ALS2CL: variants seen among roughly 807,000 people sequenced by gnomAD.
ALS2CL encodes ALS2 C-terminal-like protein.
Under a neutral mutation model 127.9 loss-of-function variants are expected in ALS2CL, and 112 were observed. That is an observed-to-expected ratio of 0.88 (90% CI 0.75 to 1.02). ALS2CL has a LOEUF of 1.02. Among genes scored for constraint, ALS2CL ranks in the 50% least tolerant of loss-of-function variants. The pLI is 0.00. For missense variants in ALS2CL, 1,174 were observed against 1,236.7 expected (o/e 0.95, Z 0.76); for synonymous variants, 519 against 527.6 (o/e 0.98, Z 0.22).
chr3:46,687,962 G>A (rs1340494662), intron 3 of ALS2CL, 136 bp downstream of exon 3: 7 of 1,130,164 alleles, frequency 6.2e-6, no homozygotes, highest in African/African-American at 1.6e-5. Flanking sequence ...GAACCCAGGT[G>A]AGCACCAACC....
In ALS2CL at chr3:46,688,132, G is replaced by A. The variant is rs1329413093; in HGVS notation, c.268C>T (p.Arg90Ter). 2.5e-6 allele frequency: 4 copies of A among 1,612,868 alleles called. No homozygotes were observed. The highest frequency in any genetic ancestry group is 1.1e-5 in the South Asian group (1 of 91,064). The change falls in exon 3 of 26, where the codon CGA becomes TGA. Residue 90 changes from arginine (R) to a stop codon, truncating the protein, a stop_gained. Coordinates refer to ENST00000318962, the MANE Select transcript of ALS2CL (RefSeq NM_147129.5). LOFTEE classifies it high-confidence loss of function. ...GCCTGCAGTACACGGTCAGCACCTC[G>A]CAGCAGCAGCAGGGACTCCAGACCG... Reference protein sequence around the residue: ...STGLESLLLLRGADRVLQAHI... With the variant: ...STGLESLLLL
rs144461151 is a variant in ALS2CL, at chr3:46,686,631, G to A, written c.535-192C>T. ...TTCCCCAGCTTGGCCCTGGGCCCAC[G>A]TGTCCTCATTCCCAGGACGTGATTC... On this transcript the variant is annotated intron_variant, in intron 5 of 25. Coordinates refer to ENST00000318962, the MANE Select transcript of ALS2CL (RefSeq NM_147129.5). This position sits in a 1 kb window ranked among gnomAD's most constrained non-coding sequence, Gnocchi z 4.3. 9.9e-5 allele frequency among the ~76,000 whole-genome samples: 15 copies of A among 152,162 alleles called. No individual in the cohort carries two copies. The South Asian group carries it at 2.5e-3, about 25-fold the overall frequency.
At chr3:46,672,688 C>T in intron 22 of ALS2CL, among the ~76,000 whole-genome samples, 1 of 152,192 alleles carries the variant, frequency 6.6e-6, no homozygotes, top group East Asian at 1.9e-4. Flanking sequence ...CCACTTCACC[C>T]TCACAACAAT....
chr3:46,671,638 T>A, intron 24 of ALS2CL, 54 bp from the exon 25 acceptor site: 1 of 1,611,482 alleles, frequency 6.2e-7, no homozygotes. Flanking sequence ...AAGAGGCCTG[T>A]CGCGGACAGG....
Position 46,679,270 on chromosome 3 carries a change from G to A in ALS2CL, c.1566C>T (p.Leu522=). The A allele has an allele frequency of 6.3e-7, 1 of 1,589,600 alleles. No homozygotes were observed. The highest frequency in any genetic ancestry group is 8.6e-7 in the Non-Finnish European group (1 of 1,167,592). The change falls in exon 15 of 26, where the codon CTC becomes CTT. Residue 522 remains leucine, a synonymous_variant. Coordinates refer to ENST00000318962, the MANE Select transcript of ALS2CL (RefSeq NM_147129.5). ...ADKTVGPGIL[L]SEDDSLYEGT... ...CCTCATACAGGGAGTCGTCTTCAGA[G>A]AGGAGGATGCCCGGGCCCTTGGGGA...
At chr3:46,680,766 G>C in intron 13 of ALS2CL, 1 of 574,400 alleles carries the variant, frequency 1.7e-6, no homozygotes, top group South Asian at 2.0e-5. Context: ...CTTCTCCGTG[G>C]AGGTGGCAGG....
At position 46,671,087 on chromosome 3, in the gene ALS2CL, G is replaced by A. The variant is rs368965614; in HGVS notation, c.2782-23C>T. 7 of 1,609,672 alleles carry A rather than the reference G, an allele frequency of 4.3e-6. No individual in the cohort carries two copies. In the East Asian group the frequency reaches 8.9e-5, roughly 21 times the overall value. ...GGACTGGAGGGAGAGAGGCAAGGCT[G>A]AGGCCAGTTGACCTGCCTGATCCCA... On this transcript the variant is annotated intron_variant, in intron 25 of 25. Coordinates refer to ENST00000318962, the MANE Select transcript of ALS2CL (RefSeq NM_147129.5).
In ALS2CL at chr3:46,683,212, C is replaced by T. The variant is rs535935636; in HGVS notation, c.1027G>A (p.Ala343Thr). The T allele has an allele frequency of 1.9e-5, 30 of 1,609,220 alleles. No individual in the cohort carries two copies. Among genetic ancestry groups the T allele is most frequent in the East Asian group, 1.6e-4 (7 of 44,752 alleles). ...CCCTCTGCCTGGAAGGTATATTCTG[C>T]GCAGCGGCAGTCGGGAGGCTGGGAG... ...EPSQPPDCRC[A>T]EYTFQAEGRL... The change falls in exon 10 of 26, where the codon GCA (alanine) becomes ACA (threonine). Residue 343 changes from alanine to threonine, a missense_variant. Transcript: ENST00000318962.
chr3:46,677,874 G>T (rs1444446475), intron 16 of ALS2CL, among the ~76,000 whole-genome samples: 1 of 152,006 alleles, frequency 6.6e-6, no homozygotes, highest in Non-Finnish European at 1.5e-5. Flanking sequence ...CAGGCTCAAT[G>T]ATCAGTTGTA....
intron 7 of ALS2CL, 42 bp from the exon 8 acceptor site, chr3:46,684,089 A>G (rs1478806298): frequency 6.5e-7 from 1 of 1,548,018 alleles, no homozygotes; most frequent in Non-Finnish European, 8.7e-7. Context: ...AGCCCAGGCC[A>G]GATGCTCACC....
At position 46,683,835 on chromosome 3, in the gene ALS2CL, G is replaced by A. The variant is rs1312185930; in HGVS notation, c.859C>T (p.Leu287Phe). ...GAGAACTCTTCTTCGGGCGTGAGGAGGTGAAACGTGCACCTAGACAGACGG... is the reference window on the plus strand; with the variant it reads ...GAGAACTCTTCTTCGGGCGTGAGGAAGTGAAACGTGCACCTAGACAGACGG... ...DPGQDGCTFH[L>F]LTPEEEFSFC... is the part of the protein sequence containing the mutation. The change falls in exon 9 of 26, where the codon CTC becomes TTC. Residue 287 changes from leucine (L) to phenylalanine (F), a missense_variant. Leu to Phe is a conservative substitution (Grantham distance 22). Transcript: ENST00000318962. The A allele has an allele frequency of 1.2e-6, 2 of 1,614,082 alleles. No homozygotes were observed. The highest frequency in any genetic ancestry group is 1.7e-6 in the Non-Finnish European group (2 of 1,180,034).
intron 14 of ALS2CL, chr3:46,679,867 C>T (rs1699181838): frequency 6.4e-6 from 1 of 157,088 alleles, no homozygotes; most frequent in Non-Finnish European, 1.4e-5. Context: ...TCCCCAGGCA[C>T]CTGGAAGGGT....
At chr3:46,692,784 C>T (rs1700238145) in intron 1 of ALS2CL, among the ~76,000 whole-genome samples, 1 of 152,212 alleles carries the variant, frequency 6.6e-6, no homozygotes, top group South Asian at 2.1e-4. Flanking sequence ...AGTAGCCAGA[C>T]CTGGTCTCTC....
In ALS2CL at chr3:46,681,528, C is replaced by T. The variant is rs769281590; in HGVS notation, c.1246G>A (p.Gly416Ser). 2 of 1,614,184 alleles carry T rather than the reference C, an allele frequency of 1.2e-6. No homozygotes were observed. The highest frequency in any genetic ancestry group is 1.7e-6 in the Non-Finnish European group (2 of 1,180,010). Residue 416 changes from glycine to serine, a missense_variant, in exon 12 of 26, where the codon GGC becomes AGC. Transcript: ENST00000318962. This position sits in a 1 kb window ranked among gnomAD's most constrained non-coding sequence, Gnocchi z 4.9. ...FDCYKCHWRE[G>S]SMCGYGICEY... ...CAGATGCCGTAGCCACACATGCTGC[C>T]TTCTCGCCAGTGACACTTGTAACAG...
chr3:46,678,209 C>T, intron 16 of ALS2CL, 50 bp downstream of exon 16: 1 of 1,494,868 alleles, frequency 6.7e-7, no homozygotes, highest in Non-Finnish European at 9.0e-7. Flanking sequence ...GGGATGGAAA[C>T]ACAGACACAT....
chr3:46,675,779 C>T (rs986830805), intron 19 of ALS2CL, 93 bp from the exon 20 acceptor site: 9 of 1,594,034 alleles, frequency 5.6e-6, no homozygotes, highest in Non-Finnish European at 7.7e-6. Flanking sequence ...CAGGTGGCCT[C>T]TCAGAACTGT....
Position 46,671,026 on chromosome 3 carries a change from C to T in ALS2CL, c.2820G>A (p.Leu940=). The change falls in exon 26 of 26, where the codon CTG becomes CTA. Residue 940 remains leucine, a synonymous_variant. Transcript: ENST00000318962. ...YEHIQKEDMR[L]HRLPGHWHSR... ...AGTGCCAGTGGCCAGGTAAGCGGTG[C>T]AGCCTCATGTCTTCTTTCTGGATGT... 5 of 1,614,204 alleles carry T rather than the reference C, an allele frequency of 3.1e-6. No homozygotes were observed. The highest frequency in any genetic ancestry group is 4.2e-6 in the Non-Finnish European group (5 of 1,180,022).
intron 19 of ALS2CL, chr3:46,675,907 G>A (rs1279108852): frequency 7.0e-7 from 1 of 1,432,050 alleles, no homozygotes; most frequent in Non-Finnish European, 9.1e-7. Context: ...GCTTCTATTT[G>A]CAGTGTTTCA....
chr3:46,688,085 C>A lies in ALS2CL; in HGVS notation c.302+13G>T. 2 of 1,610,656 alleles carry A rather than the reference C, an allele frequency of 1.2e-6. No homozygotes were observed. Among genetic ancestry groups the A allele is most frequent in the Non-Finnish European group, 8.5e-7 (1 of 1,177,894 alleles). ...CCAGGGATGAGCCCCAGCCCCACCTCCAGTGGTCTTACTCTATGTGGGCCT... is the reference window on the plus strand; with the variant it reads ...CCAGGGATGAGCCCCAGCCCCACCTACAGTGGTCTTACTCTATGTGGGCCT... On this transcript the variant is annotated intron_variant, in intron 3 of 25. Transcript: ENST00000318962.
Sources: gnomAD v4.1 joint callset for allele counts (sites outside exome capture counted in the v4.1 genomes callset) on GRCh38, gnomAD v4.1.1 for gene constraint, Gnocchi (gnomAD v3.1) non-coding constraint, MANE v1.5 for transcripts, NCBI Gene and HGNC (gene_info 2026-07-23, HGNC 2026-07-21) for gene names.